CCDC57: variants seen among roughly 807,000 people sequenced by gnomAD.
CCDC57 encodes coiled-coil domain-containing protein 57.
CCDC57 carries 118 observed loss-of-function variants against 118.9 expected under a neutral mutation model. The ratio of observed to expected loss-of-function variants is 0.99; its 90% CI spans 0.86 to 1.16. The LOEUF is 1.16. Ranked by LOEUF, CCDC57 falls within the 50% of genes most tolerant of loss-of-function variation. The pLI, the probability that CCDC57 is intolerant of heterozygous loss-of-function variation, is 0.00. For missense variants in CCDC57, 1,300 were observed against 1,320.7 expected, an observed-to-expected ratio of 0.98 and a Z score of 0.24; for synonymous variants, 527 against 532.9, an observed-to-expected ratio of 0.99 and a Z score of 0.15.
At chr17:82,131,949 C>CTACAAAAAA (rs2038429997) in intron 17 of CCDC57, among the ~76,000 whole-genome samples, 2 of 151,710 alleles carry the variant, frequency 1.3e-5, no homozygotes, top group East Asian at 1.9e-4. Flanking sequence ...AACCCTATCT[C>CTACAAAAAA]TACAAAAAAT....
intron 16 of CCDC57, among the ~76,000 whole-genome samples, chr17:82,136,757 T>G (rs1451452915): frequency 6.6e-6 from 1 of 151,636 alleles, no homozygotes; most frequent in African/African-American, 2.4e-5. Context: ...AAGTTTTTTG[T>G]TTTTTAGTAG....
exon 8 of CCDC57, chr17:82,188,276 C>A (rs759165705): frequency 1.3e-6 from 2 of 1,577,568 alleles, no homozygotes; most frequent in South Asian, 1.2e-5. Context: ...CTCTGCCCTG[C>A]GGAGCTGCGC....
At chr17:82,202,955 C>A (rs1244664704) in intron 2 of CCDC57, among the ~76,000 whole-genome samples, 1 of 152,152 alleles carries the variant, frequency 6.6e-6, no homozygotes, top group Non-Finnish European at 1.5e-5. Flanking sequence ...AGAACCAATG[C>A]CCCTTCCCAC....
chr17:82,199,797 C>G (rs1055163266), intron 3 of CCDC57, among the ~76,000 whole-genome samples: 1 of 152,170 alleles, frequency 6.6e-6, no homozygotes, highest in Non-Finnish European at 1.5e-5. Flanking sequence ...CAGGGAGAAG[C>G]TGACCTCCAG....
chr17:82,178,453 G>A (rs766623097), intron 11 of CCDC57, 21 bp downstream of exon 10: 1 of 1,575,420 alleles, frequency 6.3e-7, no homozygotes, highest in Non-Finnish European at 8.6e-7. Flanking sequence ...AAGTTTCAAA[G>A]AGCCGACTGG....
chr17:82,127,184 A>G, intron 19 of CCDC57: 1 of 985,438 alleles, frequency 1.0e-6, no homozygotes, highest in Non-Finnish European at 1.2e-6. Context: ...CCGCGCAGCA[A>G]AGCAGGACGA....
In CCDC57 at chr17:82,172,641, G is replaced by A; in HGVS notation, c.1726C>T (p.Pro576Ser). Residue 576 changes from proline (P) to serine (S), a missense_variant, in exon 12 of 20, where the codon CCT (proline) becomes TCT (serine). Transcript: ENST00000665763. This position sits in a 1 kb window ranked among gnomAD's most constrained non-coding sequence, Gnocchi z 5.2. ...TCCGTTTCTCCCACTTACTCACCAGGAGTGGCGGCATCTCCCCCAGCCTCT... is the reference window on the plus strand; with the variant it reads ...TCCGTTTCTCCCACTTACTCACCAGAAGTGGCGGCATCTCCCCCAGCCTCT... The A allele has an allele frequency of 6.5e-7, 1 of 1,550,028 alleles. No homozygotes were observed.
chr17:82,178,538 G>A, exon 11 of CCDC57: 1 of 1,613,808 alleles, frequency 6.2e-7, no homozygotes, highest in Non-Finnish European at 8.5e-7. Flanking sequence ...TCGTTCCAGG[G>A]TCACGGCCTT....
At chr17:82,186,767 C>A (rs1444638735) in intron 8 of CCDC57, among the ~76,000 whole-genome samples, 6 of 151,904 alleles carry the variant, frequency 3.9e-5, no homozygotes, top group Non-Finnish European at 7.4e-5. Context: ...CATGGAGAAA[C>A]CTCGTTTCTA....
At chr17:82,170,229 G>C (rs2044511859) in intron 13 of CCDC57, among the ~76,000 whole-genome samples, 1 of 152,176 alleles carries the variant, frequency 6.6e-6, no homozygotes, top group Non-Finnish European at 1.5e-5. Flanking sequence ...AAGAGGAAGA[G>C]TCGGGCGCGG....
At chr17:82,157,404 G>C in intron 15 of CCDC57, 1 of 1,228,064 alleles carries the variant, frequency 8.1e-7, no homozygotes, top group Non-Finnish European at 1.0e-6. Flanking sequence ...TCAGCAGGCC[G>C]TCAAGGCCCT....
At chr17:82,126,322 C>A in intron 19 of CCDC57, 1 of 794,082 alleles carries the variant, frequency 1.3e-6, no homozygotes, top group East Asian at 1.2e-4. Flanking sequence ...AAAACAAGGA[C>A]ATTAAATTAC....
chr17:82,121,957 C>T (rs1006985918), intron 19 of CCDC57, among the ~76,000 whole-genome samples: 1 of 152,224 alleles, frequency 6.6e-6, no homozygotes, highest in African/African-American at 2.4e-5. Context: ...AGGCCACCCA[C>T]ACTCTCAGCC....
At chr17:82,142,474 G>A (rs1043659512) in intron 16 of CCDC57, among the ~76,000 whole-genome samples, 5 of 152,058 alleles carry the variant, frequency 3.3e-5, no homozygotes, top group African/African-American at 7.2e-5. Context: ...CACCAAGCCC[G>A]GCTAATTTTT....
At chr17:82,151,090 T>TGACCCACACCCAGAACCAGGC (rs2041951472) in intron 16 of CCDC57, among the ~76,000 whole-genome samples, 9 of 11,862 alleles carry the variant, frequency 7.6e-4, no homozygotes, top group Non-Finnish European at 1.2e-3. Flanking sequence ...CAGAACCTGG[T>TGACCCACACCCAGAACCAGGC]GCACACCCAG....
chr17:82,163,152 C>T, intron 14 of CCDC57, 48 bp downstream of exon 13: 2 of 1,595,822 alleles, frequency 1.3e-6, no homozygotes, highest in Non-Finnish European at 8.6e-7. Context: ...CGCTCTCCCC[C>T]AGCAGCGGCT....
intron 8 of CCDC57, among the ~76,000 whole-genome samples, chr17:82,186,379 C>T (rs988592188): frequency 3.9e-5 from 6 of 152,172 alleles, no homozygotes; most frequent in African/African-American, 7.2e-5. Flanking sequence ...AGTGGTGACG[C>T]CCAGTCACCT....
intron 16 of CCDC57, among the ~76,000 whole-genome samples, chr17:82,138,880 A>G (rs9674648): frequency 0.47 from 71,144 of 152,030 alleles, 17,445 homozygotes; most frequent in East Asian, 0.88. Context: ...GCAGGCATAA[A>G]CCCCGTCACT....
rs78355008 is a variant in CCDC57 at position 82,172,959 on chromosome 17, G to A, written c.1507-99C>T. 4.0e-4 allele frequency: 427 copies of A among 1,063,222 alleles called. No homozygotes were observed. The African/African-American group carries it at 5.8e-3, about 14-fold the overall frequency. The allele number at this position is 1,063,222 out of a possible 1,614,324, so 65.9% of individuals were successfully genotyped here. ...GCTCTCCCCGCGCCCCTCTCGGGCC[G>A]GTCCCCCGCTTCAGCTTGGGCTGTG... is the stretch of plus-strand genomic sequence containing the variant. On this transcript the variant is annotated intron_variant, in intron 11 of 19. Transcript: ENST00000665763. This position sits in a 1 kb window ranked among gnomAD's most constrained non-coding sequence, Gnocchi z 5.2.
Sources: gnomAD v4.1 joint callset for allele counts (sites outside exome capture counted in the v4.1 genomes callset) on GRCh38, gnomAD v4.1.1 for gene constraint, Gnocchi (gnomAD v3.1) non-coding constraint, MANE v1.5 for transcripts, NCBI Gene and HGNC (gene_info 2026-07-23, HGNC 2026-07-21) for gene names.